DPP6: variants seen among roughly 807,000 people sequenced by gnomAD.
DPP6 encodes A-type potassium channel modulatory protein DPP6.
Under a neutral mutation model 122.6 loss-of-function variants are expected in DPP6, and 69 were observed. The ratio of observed to expected loss-of-function variants is 0.56; its 90% CI spans 0.46 to 0.69. The LOEUF is 0.69. DPP6 is among the 30% of genes least tolerant of loss of function. DPP6 has a pLI of 0.00. For missense variants in DPP6, 928 were observed against 1,116.9 expected (o/e 0.83, Z 2.41); for synonymous variants, 418 against 433.1 (o/e 0.97, Z 0.43).
chr7:154,882,462 A>C (rs1805462846), intron 21 of DPP6, among the ~76,000 whole-genome samples: 1 of 152,234 alleles, frequency 6.6e-6, no homozygotes, highest in Non-Finnish European at 1.5e-5. Context: ...TGAAGAATAA[A>C]GCGTCAATCC....
chr7:154,050,766 C>T (rs1470183220), upstream of DPP6, among the ~76,000 whole-genome samples: 1 of 143,642 alleles, frequency 7.0e-6, no homozygotes, highest in African/African-American at 2.6e-5. Flanking sequence ...TGTTGCAATC[C>T]TGGTTTTACT....
chr7:154,628,689 G>C (rs1043881174), intron 5 of DPP6, among the ~76,000 whole-genome samples: 1 of 152,058 alleles, frequency 6.6e-6, no homozygotes, highest in African/African-American at 2.4e-5. Flanking sequence ...TGGAAAATGG[G>C]GAAAGTCTGC....
the DPP6 span, among the ~76,000 whole-genome samples, chr7:153,850,894 G>T: frequency 1.3e-5 from 2 of 152,146 alleles, no homozygotes; most frequent in African/African-American, 4.8e-5. Context: ...CACAGCCAAA[G>T]CATATCAGAA....
intron 3 of DPP6, among the ~76,000 whole-genome samples, chr7:154,484,473 C>T (rs1823615634): frequency 6.6e-6 from 1 of 152,204 alleles, no homozygotes; most frequent in African/African-American, 2.4e-5. Flanking sequence ...CAAGGGGTCC[C>T]CTCTCCTCCC....
intron 1 of DPP6, among the ~76,000 whole-genome samples, chr7:154,180,636 A>G (rs1224544481): frequency 6.6e-6 from 1 of 151,372 alleles, no homozygotes; most frequent in Non-Finnish European, 1.5e-5. Context: ...ACTTAGATCC[A>G]TGAATATCCC....
the DPP6 span, among the ~76,000 whole-genome samples, chr7:153,770,616 A>T: frequency 6.6e-6 from 1 of 152,308 alleles, no homozygotes; most frequent in South Asian, 2.1e-4. Flanking sequence ...AGCTATCAAC[A>T]AATAAGGATG....
rs1472080176 is a variant in DPP6, at chr7:154,241,599, A to G, written c.243+188536A>G. 1.3e-5 allele frequency among the ~76,000 whole-genome samples: 2 copies of G among 151,896 alleles called. No individual in the cohort carries two copies. Among genetic ancestry groups the G allele is most frequent in the African/African-American group, 2.4e-5 (1 of 41,328 alleles). On this transcript the variant is annotated intron_variant, in intron 1 of 25. Coordinates refer to ENST00000377770, the MANE Select transcript of DPP6 (RefSeq NM_130797.4). This position sits in a 1 kb window ranked among gnomAD's most constrained non-coding sequence, Gnocchi z 9.0. Reference sequence around the variant, plus strand: ...AAAAGATCCAATTCCATCCCCATCTACTCCAAAATGCCTCCCTATTTATTC... The same window carrying G: ...AAAAGATCCAATTCCATCCCCATCTGCTCCAAAATGCCTCCCTATTTATTC...
At chr7:154,388,793 A>G (rs1814351223) in intron 1 of DPP6, among the ~76,000 whole-genome samples, 2 of 152,206 alleles carry the variant, frequency 1.3e-5, no homozygotes, top group Non-Finnish European at 1.5e-5. Context: ...CCTGGTAATG[A>G]TAAAGGAAAG....
intron 4 of DPP6, among the ~76,000 whole-genome samples, chr7:154,543,851 G>T (rs919751131): frequency 6.6e-6 from 1 of 151,748 alleles, no homozygotes; most frequent in East Asian, 1.9e-4. Flanking sequence ...AAAGTTAGCC[G>T]AGCATGGTGG....
intron 1 of DPP6, among the ~76,000 whole-genome samples, chr7:154,041,148 C>T (rs1799742091): frequency 6.6e-6 from 1 of 152,096 alleles, no homozygotes; most frequent in South Asian, 2.1e-4. Flanking sequence ...TTTACAAATC[C>T]TGGATAGAAA....
chr7:153,918,516 G>T (rs1286932960), intron 1 of DPP6, among the ~76,000 whole-genome samples: 18 of 37,304 alleles, frequency 4.8e-4, no homozygotes, highest in East Asian at 4.0e-3. Flanking sequence ...AAAAGAAGAG[G>T]TAATTAAAAC....
At chr7:154,086,680 A>G (rs1348500710) in intron 1 of DPP6, among the ~76,000 whole-genome samples, 5 of 148,802 alleles carry the variant, frequency 3.4e-5, no homozygotes, top group African/African-American at 9.9e-5. Context: ...GTGCAGTGGC[A>G]CAATCTCGGC....
intron 1 of DPP6, among the ~76,000 whole-genome samples, chr7:154,300,575 T>C (rs557078391): frequency 5.3e-4 from 80 of 152,296 alleles, no homozygotes; most frequent in Admixed American, 7.2e-4. Flanking sequence ...TTGGAGAATT[T>C]GGGACTGGAT....
chr7:154,796,164 C>G, intron 12 of DPP6: 2 of 435,040 alleles, frequency 4.6e-6, no homozygotes, highest in Non-Finnish European at 8.1e-6. Context: ...CAGTTAGATG[C>G]CAGCACCTTG....
At chr7:154,183,167 G>GC (rs1198735036) in intron 1 of DPP6, among the ~76,000 whole-genome samples, 2 of 151,952 alleles carry the variant, frequency 1.3e-5, no homozygotes, top group Non-Finnish European at 2.9e-5. Flanking sequence ...CTCCTTTCTT[G>GC]CCCCCTTTGG....
chr7:153,843,298 A>T, the DPP6 span, among the ~76,000 whole-genome samples: 2 of 150,936 alleles, frequency 1.3e-5, no homozygotes, highest in South Asian at 2.1e-4. Context: ...ACACACACAC[A>T]CTTCTTACTT....
At chr7:153,751,956 C>T in the DPP6 span, among the ~76,000 whole-genome samples, 1 of 152,134 alleles carries the variant, frequency 6.6e-6, no homozygotes, top group Non-Finnish European at 1.5e-5. Context: ...GCTTCAGTCT[C>T]TGGAAGCAGC....
the DPP6 span, among the ~76,000 whole-genome samples, chr7:153,840,847 C>T: frequency 6.6e-6 from 1 of 152,196 alleles, no homozygotes; most frequent in African/African-American, 2.4e-5. Context: ...ATAGACGTTT[C>T]CTTCCACCCC....
chr7:154,636,164 AG>A (rs1441788898), intron 5 of DPP6, among the ~76,000 whole-genome samples: 1 of 152,192 alleles, frequency 6.6e-6, no homozygotes, highest in Non-Finnish European at 1.5e-5. Flanking sequence ...TCATATGAAA[AG>A]GCGGTTTTGG....
Sources: allele counts gnomAD v4.1 joint callset (sites outside exome capture counted in the v4.1 genomes callset), GRCh38; gene constraint gnomAD v4.1.1; non-coding constraint Gnocchi (gnomAD v3.1); transcripts MANE v1.5; gene names NCBI Gene and HGNC (gene_info 2026-07-23, HGNC 2026-07-21).